The following ABCC3 variants were observed in gnomAD, a reference collection of about 807,000 sequenced individuals.
The protein encoded by ABCC3 is ATP binding cassette subfamily C member 3.
A neutral mutation model predicts 165.3 loss-of-function variants in ABCC3; 121 were observed. The ratio of observed to expected loss-of-function variants is 0.73; its 90% CI spans 0.63 to 0.85. The LOEUF (loss-of-function observed/expected upper bound fraction) is 0.85, where lower values mean the gene tolerates loss of function less well. ABCC3 is among the 40% of genes least tolerant of loss of function. ABCC3 has a pLI of 0.00. For synonymous variants in ABCC3, 733 were observed against 810.1 expected (o/e 0.90, Z 1.62); for missense variants, 1,869 against 1,964.1 (o/e 0.95, Z 0.92).
At chr17:50,645,620 A>G (rs1966990644) in intron 1 of ABCC3, among the ~76,000 whole-genome samples, 1 of 151,840 alleles carries the variant, frequency 6.6e-6, no homozygotes, top group Non-Finnish European at 1.5e-5. Flanking sequence ...TTTTTTTAAG[A>G]GTCCAGGTCT....
Position 50,659,388 on chromosome 17 carries a change from C to G in ABCC3, c.806+20C>G, listed in dbSNP as rs772189982. The G allele has an allele frequency of 8.8e-6, 14 of 1,598,286 alleles. No homozygotes were observed. Among genetic ancestry groups the G allele is most frequent in the Non-Finnish European group, 1.2e-5 (14 of 1,168,944 alleles). ...GGCACGGTGAGGCCCTCCCCTTGCCCCAACACCCAGCCCCTTCGCTTACCC... is the reference window on the plus strand; with the variant it reads ...GGCACGGTGAGGCCCTCCCCTTGCCGCAACACCCAGCCCCTTCGCTTACCC... On this transcript the variant is annotated intron_variant, in intron 7 of 30. Coordinates refer to ENST00000285238, the MANE Select transcript of ABCC3 (RefSeq NM_003786.4).
intron 30 of ABCC3, 65 bp downstream of exon 30, chr17:50,687,795 A>G (rs751295083): frequency 5.2e-5 from 77 of 1,473,244 alleles, no homozygotes; most frequent in Non-Finnish European, 7.3e-5. Flanking sequence ...AGGAATGGGC[A>G]GGGCAGATTA....
rs747669089 is a variant in ABCC3, at chr17:50,667,858, C to T, written c.1636-5C>T. On this transcript the variant is annotated splice_region_variant and splice_polypyrimidine_tract_variant and intron_variant, in intron 12 of 30. Coordinates refer to ENST00000285238, the MANE Select transcript of ABCC3 (RefSeq NM_003786.4). ...CTACCCTGACACCACCTCCACGCTG[C>T]TCAGGTGACCCTGATCACCCTCTGG... 1.9e-6 allele frequency: 3 copies of T among 1,613,962 alleles called. No individual in the cohort carries two copies. The highest frequency in any genetic ancestry group is 1.7e-6 in the Non-Finnish European group (2 of 1,179,878).
Position 50,676,358 on chromosome 17 carries a change from CA to C in ABCC3, c.3149del (p.His1050ProfsTer20). On this transcript the variant is annotated frameshift_variant, in exon 23 of 31. Coordinates refer to ENST00000285238, the MANE Select transcript of ABCC3 (RefSeq NM_003786.4). LOFTEE classifies it high-confidence loss of function. ...CCGTGTGTTGCACCAGGCACTGCTGCACAACAAGATACGCTCGCCACAGTCC... is the reference window on the plus strand; with the variant it reads ...CCGTGTGTTGCACCAGGCACTGCTGCCAACAAGATACGCTCGCCACAGTCC... ...AARVLHQALL[H>X]NKIRSPQSFF... 1 of 1,614,182 alleles carries C rather than the reference CA, an allele frequency of 6.2e-7. No homozygotes were observed. The highest frequency in any genetic ancestry group is 8.5e-7 in the Non-Finnish European group (1 of 1,180,014).
chr17:50,645,028 A>G (rs184775628), intron 1 of ABCC3, among the ~76,000 whole-genome samples: 4 of 151,668 alleles, frequency 2.6e-5, no homozygotes, highest in Non-Finnish European at 5.9e-5. Flanking sequence ...AAAAACAAGC[A>G]AACAAAAAAA....
At chr17:50,649,816 T>C (rs1476684710) in intron 1 of ABCC3, among the ~76,000 whole-genome samples, 1 of 152,202 alleles carries the variant, frequency 6.6e-6, no homozygotes, top group Non-Finnish European at 1.5e-5. Context: ...CACAGGTCAC[T>C]GTGAACAATA....
At chr17:50,672,241 G>T (rs143410791) in intron 17 of ABCC3, among the ~76,000 whole-genome samples, 76 of 152,236 alleles carry the variant, frequency 5.0e-4, no homozygotes, top group African/African-American at 1.7e-3. Flanking sequence ...TATCACCTAG[G>T]TACCTCACGT....
chr17:50,644,815 G>A (rs1357958191), intron 1 of ABCC3, among the ~76,000 whole-genome samples: 1 of 152,152 alleles, frequency 6.6e-6, no homozygotes, highest in Non-Finnish European at 1.5e-5. Flanking sequence ...TCAGGAGATC[G>A]AGACCATCCT....
rs996684623 is a variant in ABCC3 at position 50,656,014 on chromosome 17, T to C, written c.222+6T>C. On this transcript the variant is annotated splice_donor_region_variant and intron_variant, in intron 2 of 30. Coordinates refer to ENST00000285238, the MANE Select transcript of ABCC3 (RefSeq NM_003786.4). ...ACCTGTCCAAGCTCAAGATGGTCAG[T>C]GGCTCAGGGATCTCCTACCGATGGG... 6.2e-7 allele frequency: 1 copy of C among 1,613,124 alleles called. No homozygotes were observed.
intron 1 of ABCC3, 122 bp downstream of exon 1, chr17:50,635,103 C>T: frequency 9.0e-7 from 1 of 1,114,252 alleles, no homozygotes; most frequent in African/African-American, 1.6e-5. Flanking sequence ...CTGAGACGGC[C>T]TGGGCGCCCG....
At position 50,673,069 on chromosome 17, in the gene ABCC3, G is replaced by C. The variant is rs369527081; in HGVS notation, c.2340G>C (p.Ala780=). ...DIFLLDDPLS[A]VDSHVAKHIF... ...TCTTGCTGGATGACCCACTGTCCGCGGTGGACTCTCATGTGGCCAAGCACA... is the reference window on the plus strand; with the variant it reads ...TCTTGCTGGATGACCCACTGTCCGCCGTGGACTCTCATGTGGCCAAGCACA... Residue 780 remains alanine (A), a synonymous_variant, in exon 18 of 31, where the codon GCG becomes GCC. Transcript: ENST00000285238. The C allele has an allele frequency of 6.2e-7, 1 of 1,614,128 alleles. No individual in the cohort carries two copies. The highest frequency in any genetic ancestry group is 2.2e-5 in the East Asian group (1 of 44,880).
At chr17:50,640,262 C>T (rs914502459) in intron 1 of ABCC3, among the ~76,000 whole-genome samples, 1 of 152,150 alleles carries the variant, frequency 6.6e-6, no homozygotes, top group Non-Finnish European at 1.5e-5. Flanking sequence ...GACATCATGC[C>T]GGAGTCCTAC....
chr17:50,677,854 C>G lies in ABCC3; in HGVS notation c.3489C>G (p.Ala1163=), dbSNP rs368811356. The G allele has an allele frequency of 3.1e-6, 5 of 1,614,172 alleles. No homozygotes were observed. The highest frequency in any genetic ancestry group is 4.2e-6 in the Non-Finnish European group (5 of 1,180,036). ...ETVTGASVIR[A]YNRSRDFEII... ...TGACTGGTGCCAGTGTCATCCGGGC[C>G]TACAACCGCAGCCGGGATTTTGAGA... The change falls in exon 24 of 31, where the codon GCC becomes GCG. Residue 1163 remains alanine, a synonymous_variant. Transcript: ENST00000285238.
At chr17:50,684,902 G>A (rs1490526698) in intron 29 of ABCC3, 27 bp downstream of exon 29, 1 of 1,607,172 alleles carries the variant, frequency 6.2e-7, no homozygotes, top group Non-Finnish European at 8.5e-7. Flanking sequence ...CAGAGGTCAG[G>A]AACTGCAACC....
chr17:50,673,980 C>CTTTCCTTCCTTCTTTCTTTCTTTCTT (rs1967725765), intron 19 of ABCC3, among the ~76,000 whole-genome samples: 1 of 9,414 alleles, frequency 1.1e-4, no homozygotes, highest in African/African-American at 6.3e-4. Context: ...TTCTTTCTTT[C>CTTTCCTTCCTTCTTTCTTTCTTTCTT]TCTCTCTCTC....
chr17:50,661,814 G>A (rs915718797), intron 8 of ABCC3, among the ~76,000 whole-genome samples: 4 of 152,168 alleles, frequency 2.6e-5, no homozygotes, highest in African/African-American at 9.7e-5. Context: ...CGGGTGTCTG[G>A]AAAACCCCGG....
rs1021347133 is a variant in ABCC3 at position 50,644,835 on chromosome 17, G to A, written c.45+9854G>A. Among the ~76,000 whole-genome samples the A allele has an allele frequency of 9.9e-4, 150 of 152,280 alleles. 1 individual carries two copies. The highest frequency in any genetic ancestry group is 2.6e-4 in the Non-Finnish European group (18 of 68,014). ...AGATCGAGACCATCCTCGCTAACAC[G>A]GTAAAACCCCGTCTCTACTAAAAAT... On this transcript the variant is annotated intron_variant, in intron 1 of 30. Transcript: ENST00000285238.
chr17:50,663,664 C>T lies in ABCC3; in HGVS notation c.999-17C>T, dbSNP rs376822237. ...GGGGGCAGCACTGCCCACCTCACTCCTCTCTCCTCCCCACAGCATCCTGAT... is the reference window on the plus strand; with the variant it reads ...GGGGGCAGCACTGCCCACCTCACTCTTCTCTCCTCCCCACAGCATCCTGAT... On this transcript the variant is annotated splice_polypyrimidine_tract_variant and intron_variant, in intron 8 of 30. Coordinates refer to ENST00000285238, the MANE Select transcript of ABCC3 (RefSeq NM_003786.4). 4 of 1,613,574 alleles carry T rather than the reference C, an allele frequency of 2.5e-6. No homozygotes were observed. Among genetic ancestry groups the T allele is most frequent in the African/African-American group, 2.7e-5 (2 of 74,916 alleles).
At chr17:50,653,208 T>C (rs183585704) in intron 1 of ABCC3, among the ~76,000 whole-genome samples, 136 of 150,450 alleles carry the variant, frequency 9.0e-4, no homozygotes, top group African/African-American at 2.6e-3. Flanking sequence ...TAGTCAGGCA[T>C]GGTGGTGGGC....
Sources: allele counts gnomAD v4.1 joint callset (sites outside exome capture counted in the v4.1 genomes callset), GRCh38; gene constraint gnomAD v4.1.1; transcripts MANE v1.5; gene names NCBI Gene and HGNC (gene_info 2026-07-23, HGNC 2026-07-21).